The following PTTG1IP2 variants were observed in gnomAD, a reference collection of about 807,000 sequenced individuals.
PTTG1IP2 encodes PTTG1IP family member 2.
At chr7:90,502,479 C>T (rs892665843) in intron 6 of PTTG1IP2, among the ~76,000 whole-genome samples, 1 of 152,184 alleles carries the variant, frequency 6.6e-6, no homozygotes, top group Admixed American at 6.5e-5. Flanking sequence ...TTACTTTACC[C>T]AGATCCATCA....
rs556184659 is a variant in PTTG1IP2, at chr7:90,478,187, C to A, written c.146-1041C>A. ...TCCCTGTAGAATCTTCACAATTTTT[C>A]TGTAAATCTGAAATTATACAAAAAT... On this transcript the variant is annotated intron_variant, in intron 1 of 6. Coordinates refer to ENST00000509356, the MANE Select transcript of PTTG1IP2 (RefSeq NM_001365443.2). Among the ~76,000 whole-genome samples, 3 of 150,908 alleles carry A rather than the reference C, an allele frequency of 2.0e-5. No individual in the cohort carries two copies. The South Asian group carries it at 6.3e-4, about 32-fold the overall frequency.
In PTTG1IP2 at chr7:90,480,850, T is replaced by A. The variant is rs184941794; in HGVS notation, c.192+1576T>A. On this transcript the variant is annotated intron_variant, in intron 2 of 6. Coordinates refer to ENST00000509356, the MANE Select transcript of PTTG1IP2 (RefSeq NM_001365443.2). ...TGTTGGAGAAACTAGATTGTCCTATTTGGTTTCTCATAGTCTGGATTTTGC... is the reference window on the plus strand; with the variant it reads ...TGTTGGAGAAACTAGATTGTCCTATATGGTTTCTCATAGTCTGGATTTTGC... 7.7e-4 allele frequency among the ~76,000 whole-genome samples: 117 copies of A among 152,336 alleles called. No individual in the cohort carries two copies. The Middle Eastern group carries it at 0.017, about 22-fold the overall frequency.
intron 2 of PTTG1IP2, among the ~76,000 whole-genome samples, chr7:90,486,632 G>A (rs1195968459): frequency 1.3e-5 from 2 of 152,108 alleles, no homozygotes; most frequent in East Asian, 3.9e-4. Flanking sequence ...GGTAAGGCTT[G>A]TTGACAGTAC....
chr7:90,473,038 A>G (rs1047044172), intron 1 of PTTG1IP2, among the ~76,000 whole-genome samples: 2 of 152,194 alleles, frequency 1.3e-5, no homozygotes, highest in Non-Finnish European at 2.9e-5. Flanking sequence ...CACTTTCTAG[A>G]GTTTACTCTG....
intron 6 of PTTG1IP2, among the ~76,000 whole-genome samples, chr7:90,506,878 T>C (rs1027060249): frequency 6.6e-6 from 1 of 152,242 alleles, no homozygotes; most frequent in African/African-American, 2.4e-5. Flanking sequence ...AAGATTCATT[T>C]TGGTATTCTG....
chr7:90,473,501 C>T (rs562305413), intron 1 of PTTG1IP2, among the ~76,000 whole-genome samples: 1 of 152,252 alleles, frequency 6.6e-6, no homozygotes, highest in South Asian at 2.1e-4. Flanking sequence ...GGAGCAAACC[C>T]TACATTTAGC....
At chr7:90,479,629 C>G (rs17866766) in intron 2 of PTTG1IP2, among the ~76,000 whole-genome samples, 50 of 152,254 alleles carry the variant, frequency 3.3e-4, no homozygotes, top group African/African-American at 1.2e-3. Flanking sequence ...CTTCTATTTC[C>G]TAAAGACTAG....
intron 6 of PTTG1IP2, among the ~76,000 whole-genome samples, chr7:90,506,249 A>G (rs1798124141): frequency 6.6e-6 from 1 of 151,728 alleles, no homozygotes; most frequent in Non-Finnish European, 1.5e-5. Flanking sequence ...CTTTTTTTTC[A>G]CTGAAAACCA....
chr7:90,499,008 TG>T (rs1798030688), intron 6 of PTTG1IP2, among the ~76,000 whole-genome samples: 1 of 152,138 alleles, frequency 6.6e-6, no homozygotes, highest in African/African-American at 2.4e-5. Flanking sequence ...CTCACTACCA[TG>T]CCTGGCTAAC....
At chr7:90,496,524 C>G (rs1345598849) in intron 6 of PTTG1IP2, among the ~76,000 whole-genome samples, 2 of 151,930 alleles carry the variant, frequency 1.3e-5, no homozygotes, top group Non-Finnish European at 2.9e-5. Context: ...AAGTCTCTCT[C>G]TTTTTTTGTA....
intron 6 of PTTG1IP2, among the ~76,000 whole-genome samples, chr7:90,505,255 A>G (rs2374267): frequency 0.41 from 61,781 of 152,122 alleles, 13,462 homozygotes; most frequent in Non-Finnish European, 0.51. Flanking sequence ...TATTTTCTAC[A>G]TCCAACTTGC....
intron 2 of PTTG1IP2, among the ~76,000 whole-genome samples, chr7:90,482,432 T>C (rs1402975739): frequency 6.6e-6 from 1 of 152,104 alleles, no homozygotes; most frequent in African/African-American, 2.4e-5. Flanking sequence ...TGTGATTTCA[T>C]AGTGTAGGAC....
intron 2 of PTTG1IP2, among the ~76,000 whole-genome samples, chr7:90,479,980 A>C (rs1056257140): frequency 3.9e-5 from 6 of 152,066 alleles, no homozygotes; most frequent in African/African-American, 1.5e-4. Flanking sequence ...AATGTCTATC[A>C]CTCGTCTACT....
chr7:90,488,584 GT>G (rs1797903721), intron 3 of PTTG1IP2, among the ~76,000 whole-genome samples: 1 of 151,928 alleles, frequency 6.6e-6, no homozygotes, highest in Non-Finnish European at 1.5e-5. Context: ...CCAGAAATGA[GT>G]TTAGAGGTAA....
chr7:90,481,439 C>T (rs1450696555), intron 2 of PTTG1IP2, among the ~76,000 whole-genome samples: 1 of 152,160 alleles, frequency 6.6e-6, no homozygotes, highest in Non-Finnish European at 1.5e-5. Flanking sequence ...TTTCTGGTCT[C>T]ACCTGAGCCC....
chr7:90,484,395 A>G (rs1462446920), intron 2 of PTTG1IP2, among the ~76,000 whole-genome samples: 1 of 152,160 alleles, frequency 6.6e-6, no homozygotes, highest in Admixed American at 6.5e-5. Context: ...ATATAAGCTT[A>G]ATAAAACAGC....
At chr7:90,475,333 G>A (rs996030921) in intron 1 of PTTG1IP2, among the ~76,000 whole-genome samples, 1 of 152,126 alleles carries the variant, frequency 6.6e-6, no homozygotes, top group African/African-American at 2.4e-5. Context: ...GGCACATTGA[G>A]CAAGGAAATC....
intron 2 of PTTG1IP2, among the ~76,000 whole-genome samples, chr7:90,484,764 A>G (rs1475802554): frequency 6.6e-6 from 1 of 152,176 alleles, no homozygotes; most frequent in East Asian, 1.9e-4. Context: ...TATTGGGAAG[A>G]CCAGGTGTGG....
chr7:90,497,713 TATAAAAAAAAAAAAAAAA>T (rs1798011635), intron 6 of PTTG1IP2, among the ~76,000 whole-genome samples: 1 of 49,600 alleles, frequency 2.0e-5, no homozygotes, highest in African/African-American at 1.0e-4. Context: ...AAAGACCCTG[TATAAAAAAAAAAAAAAAA>T]AAAAAAAAAA....
Sources: allele counts gnomAD v4.1 joint callset (sites outside exome capture counted in the v4.1 genomes callset), GRCh38; gene constraint gnomAD v4.1.1; transcripts MANE v1.5; gene names NCBI Gene and HGNC (gene_info 2026-07-23, HGNC 2026-07-21).